MYPN: variants seen among roughly 807,000 people sequenced by gnomAD.
MYPN encodes the protein sarcomeric protein myopalladin, 145 kDa (MYOP).
MYPN carries 63 observed loss-of-function variants against 129.4 expected under a neutral mutation model. The ratio of observed to expected loss-of-function variants is 0.49; its 90% CI spans 0.40 to 0.60. The LOEUF (loss-of-function observed/expected upper bound fraction) is 0.60, where lower values mean the gene tolerates loss of function less well. Ranked by LOEUF, MYPN falls within the 20% of genes least tolerant of loss-of-function variation. The pLI, the probability that MYPN is intolerant of heterozygous loss-of-function variation, is 0.00. For synonymous variants in MYPN, 629 were observed against 600.9 expected, an observed-to-expected ratio of 1.05 and a Z score of -0.68; for missense variants, 1,596 against 1,635.4, an observed-to-expected ratio of 0.98 and a Z score of 0.42.
chr10:68,097,777 TAAAA>T (rs10588010), intron 1 of MYPN, among the ~76,000 whole-genome samples: 1 of 149,402 alleles, frequency 6.7e-6, no homozygotes, highest in African/African-American at 2.4e-5. Context: ...ATAGCTGATT[TAAAA>T]AAAAAAAAAT....
chr10:68,143,026 A>C lies in MYPN; in HGVS notation c.989A>C (p.Glu330Ala). The C allele has an allele frequency of 6.2e-7, 1 of 1,614,150 alleles. No individual in the cohort carries two copies. Among genetic ancestry groups the C allele is most frequent in the Non-Finnish European group, 8.5e-7 (1 of 1,180,016 alleles). ...AATCTGCACTCACTGACCATTGCGG[A>C]AGCCTTTGAAGAGGACACAGGACGC... ...AGNLHSLTIAEAFEEDTGRYS... is the reference protein window; with the variant it reads ...AGNLHSLTIAAAFEEDTGRYS... Residue 330 changes from glutamate to alanine, a missense_variant, in exon 3 of 20, where the codon GAA becomes GCA. By Grantham distance (107) the Glu-to-Ala change is moderately radical. Transcript: ENST00000358913.
At chr10:68,097,356 G>C (rs947888248) in intron 1 of MYPN, among the ~76,000 whole-genome samples, 1 of 152,172 alleles carries the variant, frequency 6.6e-6, no homozygotes, top group East Asian at 1.9e-4. Context: ...TGCTGTGTCT[G>C]ACTCATCAGT....
At position 68,121,645 on chromosome 10, in the gene MYPN, A is replaced by G. The variant is rs1488329353; in HGVS notation, c.207A>G (p.Gln69=). ...DLPDLSAFLS[Q]EELDESVNLA... Reference sequence around the variant, plus strand: ...CAGATCTTTCAGCCTTTCTGAGCCAAGAAGAATTAGACGAAAGTGTCAATT... The same window carrying G: ...CAGATCTTTCAGCCTTTCTGAGCCAGGAAGAATTAGACGAAAGTGTCAATT... Residue 69 remains glutamine (Q), a synonymous_variant, in exon 2 of 20, where the codon CAA becomes CAG. Coordinates refer to ENST00000358913, the MANE Select transcript of MYPN (RefSeq NM_032578.4). 5.0e-6 allele frequency: 8 copies of G among 1,614,132 alleles called. No individual in the cohort carries two copies. Among genetic ancestry groups the G allele is most frequent in the Non-Finnish European group, 5.9e-6 (7 of 1,180,044 alleles).
chr10:68,166,713 C>A, intron 10 of MYPN, 47 bp downstream of exon 10: 3 of 1,608,060 alleles, frequency 1.9e-6, no homozygotes, highest in Non-Finnish European at 2.5e-6. Flanking sequence ...GTGATCTTTT[C>A]TTGAATCTGA....
chr10:68,183,761 G>A (rs926822649), intron 12 of MYPN, among the ~76,000 whole-genome samples: 1 of 152,148 alleles, frequency 6.6e-6, no homozygotes, highest in African/African-American at 2.4e-5. Flanking sequence ...CAGTGGCTTA[G>A]GCCTGTAATC....
At chr10:68,148,524 A>C in intron 5 of MYPN, 57 bp downstream of exon 5, 1 of 1,367,820 alleles carries the variant, frequency 7.3e-7, no homozygotes, top group South Asian at 1.2e-5. Flanking sequence ...AGTCATGGTG[A>C]CCATGACCAT....
At chr10:68,194,553 A>G in intron 14 of MYPN, 41 bp downstream of exon 14, 1 of 1,607,238 alleles carries the variant, frequency 6.2e-7, no homozygotes, top group Non-Finnish European at 8.5e-7. Flanking sequence ...ACTCTGAGGA[A>G]GGAGCGGTTG....
intron 2 of MYPN, among the ~76,000 whole-genome samples, chr10:68,127,193 C>T (rs10997940): frequency 0.48 from 72,149 of 151,788 alleles, 18,176 homozygotes; most frequent in African/African-American, 0.65. Context: ...TCAGTAGAGA[C>T]GGGGTTTCAC....
intron 2 of MYPN, among the ~76,000 whole-genome samples, chr10:68,132,502 T>C (rs561807378): frequency 6.6e-6 from 1 of 152,356 alleles, no homozygotes; most frequent in East Asian, 1.9e-4. Context: ...GATATTTAAT[T>C]AGTACAACTG....
upstream of MYPN, among the ~76,000 whole-genome samples, chr10:68,101,813 C>T (rs2041983198): frequency 6.6e-6 from 1 of 151,936 alleles, no homozygotes; most frequent in African/African-American, 2.4e-5. Flanking sequence ...TTCCTGATTT[C>T]AATTGTATAG....
chr10:68,116,986 G>A (rs576363462), intron 1 of MYPN, among the ~76,000 whole-genome samples: 84 of 152,160 alleles, frequency 5.5e-4, no homozygotes, highest in African/African-American at 2.0e-3. Flanking sequence ...TTGGGAGGCC[G>A]AGGCAGGTGG....
At chr10:68,207,355 G>T (rs1279649899) in intron 19 of MYPN, among the ~76,000 whole-genome samples, 1 of 152,132 alleles carries the variant, frequency 6.6e-6, no homozygotes, top group South Asian at 2.1e-4. Flanking sequence ...GATTTTAAAA[G>T]TCATCTCATC....
intron 12 of MYPN, among the ~76,000 whole-genome samples, chr10:68,176,826 G>A (rs2043234486): frequency 6.6e-6 from 1 of 152,158 alleles, no homozygotes; most frequent in African/African-American, 2.4e-5. Flanking sequence ...ATGGTTTCTA[G>A]GATACTCTCA....
chr10:68,181,166 T>C (rs1369008452), intron 12 of MYPN, among the ~76,000 whole-genome samples: 3 of 152,156 alleles, frequency 2.0e-5, no homozygotes, highest in African/African-American at 7.2e-5. Context: ...ACAAAGGAGA[T>C]GAGGCAAGGG....
chr10:68,140,391 A>C (rs73265286), intron 2 of MYPN, among the ~76,000 whole-genome samples: 5,953 of 152,288 alleles, frequency 0.039, 377 homozygotes, highest in African/African-American at 0.13. Context: ...CATCCAAGAC[A>C]CTGTCCTTAC....
intron 16 of MYPN, among the ~76,000 whole-genome samples, chr10:68,199,111 CT>C (rs1161631524): frequency 6.6e-6 from 1 of 151,802 alleles, no homozygotes; most frequent in East Asian, 1.9e-4. Flanking sequence ...CTTTTTAATT[CT>C]TATTTATTCT....
chr10:68,090,854 A>G (rs1240723418), intron 1 of MYPN, among the ~76,000 whole-genome samples: 1 of 152,186 alleles, frequency 6.6e-6, no homozygotes, highest in Non-Finnish European at 1.5e-5. Context: ...TGGAGCTTAT[A>G]ATTACATTGA....
At chr10:68,114,725 G>C (rs1279993208) in intron 1 of MYPN, among the ~76,000 whole-genome samples, 1 of 152,150 alleles carries the variant, frequency 6.6e-6, no homozygotes, top group Non-Finnish European at 1.5e-5. Context: ...GAAAAAAATA[G>C]AGATATTTAG....
intron 19 of MYPN, 132 bp downstream of exon 19, chr10:68,207,035 A>G: frequency 1.8e-6 from 2 of 1,119,782 alleles, no homozygotes; most frequent in Non-Finnish European, 2.6e-6. Flanking sequence ...AGGCAGGCAG[A>G]TCACCTGAGG....
Sources: allele counts gnomAD v4.1 joint callset (sites outside exome capture counted in the v4.1 genomes callset), GRCh38; gene constraint gnomAD v4.1.1; transcripts MANE v1.5; gene names NCBI Gene and HGNC (gene_info 2026-07-23, HGNC 2026-07-21).